The following FLI1 variants were observed in gnomAD, a reference collection of about 807,000 sequenced individuals.
The protein encoded by FLI1 is Friend leukemia integration 1 transcription factor.
Under a neutral mutation model 53.1 loss-of-function variants are expected in FLI1, and 13 were observed. The ratio of observed to expected loss-of-function variants is 0.24; its 90% confidence interval spans 0.16 to 0.39. The LOEUF is 0.39. FLI1 is among the 10% of genes least tolerant of loss of function. The pLI, the probability that FLI1 is intolerant of heterozygous loss-of-function variation, is 1.00. For synonymous variants in FLI1, 244 were observed against 236.7 expected, an observed-to-expected ratio of 1.03 and a Z score of -0.28; for missense variants, 424 against 600.5, an observed-to-expected ratio of 0.71 and a Z score of 3.07.
chr11:128,742,270 T>A (rs1402386420), intron 1 of FLI1, among the ~76,000 whole-genome samples: 1 of 152,260 alleles, frequency 6.6e-6, no homozygotes, highest in Non-Finnish European at 1.5e-5. Context: ...ATTAAAATGA[T>A]GGCATCATTT....
intron 5 of FLI1, 72 bp from the exon 6 acceptor site, chr11:128,805,294 C>T: frequency 1.2e-6 from 1 of 866,046 alleles, no homozygotes; most frequent in African/African-American, 1.7e-5. Flanking sequence ...CTGATCACTA[C>T]AGATAATGCT....
chr11:128,705,470 G>A (rs986977192), intron 1 of FLI1, among the ~76,000 whole-genome samples: 6 of 152,130 alleles, frequency 3.9e-5, no homozygotes, highest in Middle Eastern at 3.4e-3. Context: ...TTTCCTCCTC[G>A]AAATCTTGCT....
chr11:128,772,416 T>C lies in FLI1; in HGVS notation c.386-366T>C, dbSNP rs146192439. The stretch of plus-strand genomic sequence containing the variant: ...TTCTTTCATGAAATCATTAATATTC[T>C]TAAAATACAGATGGTTCCCGTTTCC... On this transcript the variant is annotated intron_variant, in intron 3 of 8. Transcript: ENST00000527786. Among the ~76,000 whole-genome samples the C allele has an allele frequency of 3.0e-3, 456 of 152,338 alleles. 1 individual carries two copies. Among genetic ancestry groups the C allele is most frequent in the African/African-American group, 0.01 (430 of 41,578 alleles).
At chr11:128,764,304 A>G (rs1329821294) in intron 2 of FLI1, among the ~76,000 whole-genome samples, 1 of 152,250 alleles carries the variant, frequency 6.6e-6, no homozygotes, top group Non-Finnish European at 1.5e-5. Flanking sequence ...TGTTCACAGA[A>G]CACACACAAA....
At chr11:128,692,739 C>T (rs1444450689), upstream of FLI1, 3 of 152,198 alleles carry the variant, frequency 2.0e-5, no homozygotes, top group African/African-American at 4.8e-5. Context: ...CCCTCTTTCC[C>T]CCGTCGGACT....
At chr11:128,720,001 G>T (rs1939189777) in intron 1 of FLI1, among the ~76,000 whole-genome samples, 1 of 152,102 alleles carries the variant, frequency 6.6e-6, no homozygotes, top group Non-Finnish European at 1.5e-5. Flanking sequence ...CTTCATCCTT[G>T]TATAAAATTT....
intron 1 of FLI1, among the ~76,000 whole-genome samples, chr11:128,756,331 C>A (rs1415223557): frequency 6.6e-6 from 1 of 152,190 alleles, no homozygotes; most frequent in Non-Finnish European, 1.5e-5. Context: ...ATGGCAGCCC[C>A]TCTGTGCACA....
At chr11:128,729,440 G>C (rs2135750745) in intron 1 of FLI1, among the ~76,000 whole-genome samples, 3 of 152,318 alleles carry the variant, frequency 2.0e-5, no homozygotes, top group Middle Eastern at 6.8e-3. Context: ...CTCTGCCACT[G>C]TGTGTTCAGC....
At chr11:128,795,260 C>A (rs1212684207) in intron 5 of FLI1, among the ~76,000 whole-genome samples, 1 of 152,192 alleles carries the variant, frequency 6.6e-6, no homozygotes, top group Middle Eastern at 3.2e-3. Flanking sequence ...TTTTCTTCCT[C>A]CTTAAGACTA....
intron 1 of FLI1, among the ~76,000 whole-genome samples, chr11:128,734,525 A>G (rs1565472959): frequency 1.3e-5 from 2 of 152,244 alleles, no homozygotes; most frequent in Non-Finnish European, 2.9e-5. Context: ...TTCTTCAAAG[A>G]TAACTGCAGA....
At chr11:128,790,066 A>ATTCGTGTGTG (rs200869159) in intron 5 of FLI1, among the ~76,000 whole-genome samples, 67 of 135,944 alleles carry the variant, frequency 4.9e-4, no homozygotes, top group Middle Eastern at 3.6e-3. Flanking sequence ...GTGTGCATGC[A>ATTCGTGTGTG]TGCGTGTGTG....
chr11:128,776,663 G>C (rs919658244), intron 4 of FLI1, among the ~76,000 whole-genome samples: 3 of 152,130 alleles, frequency 2.0e-5, no homozygotes, highest in East Asian at 3.9e-4. Flanking sequence ...GAGGAAAAAA[G>C]GTTGCCCCCT....
At chr11:128,711,747 G>A (rs1330433404) in intron 1 of FLI1, among the ~76,000 whole-genome samples, 1 of 152,142 alleles carries the variant, frequency 6.6e-6, no homozygotes, top group Non-Finnish European at 1.5e-5. Flanking sequence ...AATGCTTTAT[G>A]CCACCATGAA....
Position 128,723,982 on chromosome 11 carries a change from G to A in FLI1, c.18+29706G>A, listed in dbSNP as rs138944599. ...TTTGAGACGGAGTTTCACTCTTGTCGCTCAGGCTGGAGTATAGTGGCGCCA... is the reference window on the plus strand; with the variant it reads ...TTTGAGACGGAGTTTCACTCTTGTCACTCAGGCTGGAGTATAGTGGCGCCA... On this transcript the variant is annotated intron_variant, in intron 1 of 8. Coordinates refer to ENST00000527786, the MANE Select transcript of FLI1 (RefSeq NM_002017.5). Among the ~76,000 whole-genome samples, 896 of 122,598 alleles carry A rather than the reference G, an allele frequency of 7.3e-3. 11 individuals are homozygous for A. Among genetic ancestry groups the A allele is most frequent in the African/African-American group, 0.026 (829 of 31,958 alleles). 80.4% of individuals were successfully genotyped at this position (122,598 alleles called of 152,430 possible).
chr11:128,700,919 T>C (rs1312353656), intron 1 of FLI1, among the ~76,000 whole-genome samples: 1 of 152,194 alleles, frequency 6.6e-6, no homozygotes, highest in East Asian at 1.9e-4. Context: ...AAAGGAGGAA[T>C]GAAAACTTGT....
chr11:128,770,151 A>C (rs375163707), intron 3 of FLI1, among the ~76,000 whole-genome samples: 2 of 152,322 alleles, frequency 1.3e-5, no homozygotes, highest in Middle Eastern at 3.4e-3. Flanking sequence ...CGACCCTCCA[A>C]ACTTTCTTTG....
chr11:128,791,717 T>A (rs77457437), intron 5 of FLI1, among the ~76,000 whole-genome samples: 1,741 of 152,302 alleles, frequency 0.011, 16 homozygotes, highest in South Asian at 0.039. Flanking sequence ...GCCCTAAATT[T>A]CCATTGCATG....
In FLI1 at chr11:128,698,733, T is replaced by TGTGTGTGTGTGTGTGAGA. The variant is rs766077047; in HGVS notation, c.18+4458_18+4459insTGTGTGTGTGTGTGAGAG. Among the ~76,000 whole-genome samples the TGTGTGTGTGTGTGTGAGA allele has an allele frequency of 1.3e-3, 171 of 133,802 alleles. 1 individual carries two copies. The highest frequency in any genetic ancestry group is 1.9e-3 in the Non-Finnish European group (118 of 60,538). The allele number at this position is 133,802 out of a possible 152,430, so 87.8% of individuals were successfully genotyped here. ...TTGCGTGTGTGTGTGTGTGTGTGTG[T>TGTGTGTGTGTGTGTGAGA]GAGAGAGAGAGAGAGAGAGAGAAGT... On this transcript the variant is annotated intron_variant, in intron 1 of 8. Transcript: ENST00000527786.
intron 1 of FLI1, chr11:128,748,385 T>C (rs1262168168): frequency 1.9e-5 from 7 of 369,802 alleles, no homozygotes; most frequent in Non-Finnish European, 2.6e-5. Context: ...GGCTCACACC[T>C]GTAATCCCAG....
Sources: gnomAD v4.1 joint callset for allele counts (sites outside exome capture counted in the v4.1 genomes callset) on GRCh38, gnomAD v4.1.1 for gene constraint, MANE v1.5 for transcripts, NCBI Gene and HGNC (gene_info 2026-07-23, HGNC 2026-07-21) for gene names.